Variants in UBE3D observed in about 807,000 individuals in gnomAD.
UBE3D encodes the protein ubiquitin protein ligase E3D.
In UBE3D, 48 loss-of-function variants were observed where a neutral mutation model predicts 49.6. The ratio of observed to expected loss-of-function variants is 0.97; its 90% CI spans 0.77 to 1.23. The LOEUF is 1.23. Among genes scored for constraint, UBE3D ranks in the 50% most tolerant of loss-of-function variants. UBE3D has a pLI of 0.00. For missense variants in UBE3D, 452 were observed against 468.4 expected, an observed-to-expected ratio of 0.96 and a Z score of 0.32; for synonymous variants, 189 against 174.2, an observed-to-expected ratio of 1.08 and a Z score of -0.67.
chr6:83,002,458 G>A (rs1484175375), intron 8 of UBE3D, among the ~76,000 whole-genome samples: 3 of 152,176 alleles, frequency 2.0e-5, no homozygotes, highest in African/African-American at 7.2e-5. Context: ...GCCAAGGTGG[G>A]TGGATCACCT....
chr6:82,888,714 T>G (rs4706974), downstream of UBE3D, among the ~76,000 whole-genome samples: 49,512 of 152,100 alleles, frequency 0.33, 9,429 homozygotes, highest in African/African-American at 0.51. Context: ...TATGTAATGG[T>G]ATTGAGAACA....
intron 8 of UBE3D, among the ~76,000 whole-genome samples, chr6:83,003,678 A>G (rs1354296382): frequency 1.3e-5 from 2 of 152,210 alleles, no homozygotes; most frequent in African/African-American, 4.8e-5. Flanking sequence ...TGAATACTGT[A>G]GGCAATGGTA....
At chr6:82,977,665 C>A (rs1777824323) in intron 8 of UBE3D, among the ~76,000 whole-genome samples, 1 of 152,158 alleles carries the variant, frequency 6.6e-6, no homozygotes, top group Admixed American at 6.5e-5. Context: ...TGGTGAAACC[C>A]TGTATCTACT....
At chr6:82,880,858 G>A in the UBE3D span, among the ~76,000 whole-genome samples, 1 of 152,168 alleles carries the variant, frequency 6.6e-6, no homozygotes, top group African/African-American at 2.4e-5. Flanking sequence ...TCCAAGAGCA[G>A]GGTGGCATCG....
intron 9 of UBE3D, among the ~76,000 whole-genome samples, chr6:82,939,062 TAA>T (rs879881468): frequency 9.2e-5 from 13 of 140,862 alleles, no homozygotes; most frequent in Admixed American, 2.1e-4. Flanking sequence ...CCCTGTCTAT[TAA>T]AAAAAAAAAA....
intron 8 of UBE3D, among the ~76,000 whole-genome samples, 157 bp from the exon 9 acceptor site, chr6:82,957,607 C>T (rs566144226): frequency 1.3e-5 from 2 of 152,214 alleles, no homozygotes; most frequent in South Asian, 2.1e-4. Context: ...ATGTCCAAGA[C>T]GTTTTTATGG....
At chr6:83,029,962 C>T (rs139746216) in intron 5 of UBE3D, among the ~76,000 whole-genome samples, 2 of 152,280 alleles carry the variant, frequency 1.3e-5, no homozygotes, top group South Asian at 4.2e-4. Context: ...CCTTCTGCTA[C>T]CCAAGTTGTA....
chr6:82,997,534 A>T, intron 8 of UBE3D, among the ~76,000 whole-genome samples: 1 of 152,174 alleles, frequency 6.6e-6, no homozygotes, highest in Middle Eastern at 3.2e-3. Context: ...CCTGGCTAAC[A>T]TGGTGAAACC....
intron 8 of UBE3D, among the ~76,000 whole-genome samples, chr6:82,995,446 A>G (rs534273037): frequency 6.6e-6 from 1 of 151,974 alleles, no homozygotes; most frequent in South Asian, 2.1e-4. Flanking sequence ...TAGGGTGAAA[A>G]AAAGACTACT....
Position 83,022,549 on chromosome 6 carries a change from G to C in UBE3D, c.750C>G (p.Val250=). 8 of 1,587,178 alleles carry C rather than the reference G, an allele frequency of 5.0e-6. No homozygotes were observed. Among genetic ancestry groups the C allele is most frequent in the African/African-American group, 1.4e-5 (1 of 73,034 alleles). The change falls in exon 7 of 10, where the codon GTC becomes GTG. Residue 250 remains valine (V), a synonymous_variant. Transcript: ENST00000369747. ...CCAGACACTGGGCGATCACGCTCTG[G>C]ACAAACCAAGACCTGTTTGAACAGA... ...SFPIIPRSWF[V]QSVIAQCLVQ...
chr6:83,024,397 A>T (rs1230355919), intron 5 of UBE3D, among the ~76,000 whole-genome samples: 1 of 152,148 alleles, frequency 6.6e-6, no homozygotes, highest in Non-Finnish European at 1.5e-5. Context: ...AATGAAAAAG[A>T]CTTCTGGTTT....
chr6:82,935,651 A>T (rs1044351567), intron 9 of UBE3D, among the ~76,000 whole-genome samples: 1 of 152,202 alleles, frequency 6.6e-6, no homozygotes, highest in Non-Finnish European at 1.5e-5. Flanking sequence ...TGAAGATAAA[A>T]TCTTACAGGC....
At chr6:82,919,471 G>A (rs1773165057) in intron 9 of UBE3D, among the ~76,000 whole-genome samples, 1 of 151,958 alleles carries the variant, frequency 6.6e-6, no homozygotes, top group Non-Finnish European at 1.5e-5. Context: ...GGGCGTGGTG[G>A]CAGGCGCCTG....
At chr6:83,049,811 C>A (rs543358262) in intron 3 of UBE3D, 4 of 470,894 alleles carry the variant, frequency 8.5e-6, no homozygotes, top group Non-Finnish European at 1.8e-5. Flanking sequence ...GTTTGGCCAA[C>A]TGATTTCATT....
Position 83,007,742 on chromosome 6 carries a change from C to T in UBE3D, c.1010+11231G>A, listed in dbSNP as rs775206065. ...GGTGAATCACTTGAGCCCAGCAGTT[C>T]GAGATAAGTCTGTGCAACATGGCAA... On this transcript the variant is annotated intron_variant, in intron 8 of 9. Coordinates refer to ENST00000369747, the MANE Select transcript of UBE3D (RefSeq NM_198920.3). Among the ~76,000 whole-genome samples the T allele has an allele frequency of 2.5e-4, 38 of 152,078 alleles. 1 individual carries two copies. The highest frequency in any genetic ancestry group is 2.3e-3 in the South Asian group (11 of 4,824).
chr6:83,032,942 G>C (rs1781985921), intron 5 of UBE3D, among the ~76,000 whole-genome samples: 2 of 152,168 alleles, frequency 1.3e-5, no homozygotes, highest in Admixed American at 6.5e-5. Context: ...GATACTGTGA[G>C]TCTATTAAAC....
chr6:82,960,092 C>T (rs1208441941), intron 8 of UBE3D, among the ~76,000 whole-genome samples: 1 of 152,156 alleles, frequency 6.6e-6, no homozygotes, highest in Non-Finnish European at 1.5e-5. Flanking sequence ...TCCACACAGC[C>T]TCATGAGACT....
At chr6:82,941,673 G>A (rs1775023944) in intron 9 of UBE3D, among the ~76,000 whole-genome samples, 1 of 152,150 alleles carries the variant, frequency 6.6e-6, no homozygotes, top group African/African-American at 2.4e-5. Context: ...GCAGGACTAG[G>A]TGGAGGTAAT....
chr6:82,965,226 TTTTATAAA>T (rs1776827070), intron 8 of UBE3D, among the ~76,000 whole-genome samples: 1 of 152,196 alleles, frequency 6.6e-6, no homozygotes, highest in East Asian at 1.9e-4. Context: ...AAATGTTGTC[TTTTATAAA>T]TGCTTGTATC....
Sources: allele counts gnomAD v4.1 joint callset (sites outside exome capture counted in the v4.1 genomes callset), GRCh38; gene constraint gnomAD v4.1.1; transcripts MANE v1.5; gene names NCBI Gene and HGNC (gene_info 2026-07-23, HGNC 2026-07-21).